RGPD1: variants seen among roughly 807,000 people sequenced by gnomAD.
The protein encoded by RGPD1 is RANBP2 like and GRIP domain containing 1.
In RGPD1, 7 loss-of-function variants were observed where a neutral mutation model predicts 40.6. That is an observed-to-expected ratio of 0.17 (90% CI 0.10 to 0.32). The LOEUF (loss-of-function observed/expected upper bound fraction) is 0.32, where lower values mean the gene tolerates loss of function less well. Ranked by LOEUF, RGPD1 falls within the 10% of genes least tolerant of loss-of-function variation. RGPD1 has a pLI of 1.00. For missense variants in RGPD1, 50 were observed against 472.5 expected, an observed-to-expected ratio of 0.11 and a Z score of 8.29; for synonymous variants, 24 against 167.0, an observed-to-expected ratio of 0.14 and a Z score of 6.60.
chr2:86,930,908 A>G (rs926195504), intron 1 of RGPD1, among the ~76,000 whole-genome samples: 8 of 109,618 alleles, frequency 7.3e-5, no homozygotes, highest in Admixed American at 4.0e-4. Context: ...CCCAGAGCCC[A>G]CATTCTTATC....
chr2:86,933,381 TTTG>T (rs1342931340), intron 1 of RGPD1, among the ~76,000 whole-genome samples: 2 of 150,658 alleles, frequency 1.3e-5, no homozygotes, highest in Non-Finnish European at 3.0e-5. Context: ...TAGAAATGAT[TTTG>T]TTTAGTATAA....
chr2:86,942,281 G>T lies in RGPD1; in HGVS notation c.45G>T (p.Val15=). The T allele has an allele frequency of 6.2e-7, 1 of 1,605,290 alleles. No homozygotes were observed. The highest frequency in any genetic ancestry group is 8.5e-7 in the Non-Finnish European group (1 of 1,177,102). Residue 15 remains valine (V), a synonymous_variant, in exon 1 of 23, where the codon GTG becomes GTT. Coordinates refer to ENST00000641458, the MANE Select transcript of RGPD1 (RefSeq NM_001382344.1). ...ACGGGGAGCGGTACGTCGCCTCGGT[G>T]CAGGGCTCCGCCCCGTCGCCTGGAA... ...KAYGERYVAS[V]QGSAPSPGKK...
chr2:86,933,138 TATATA>T lies in RGPD1; in HGVS notation c.73-18153_73-18149del, dbSNP rs1369432712. Among the ~76,000 whole-genome samples the T allele has an allele frequency of 4.0e-5, 6 of 149,588 alleles. 1 individual carries two copies. In the East Asian group the frequency reaches 9.7e-4, roughly 24 times the overall value. On this transcript the variant is annotated intron_variant, in intron 1 of 22. Transcript: ENST00000398193. ...GTATGTATATAAATATGTATACACATATATAATATCTGGAGCAAAAATGATTATGT... is the reference window on the plus strand; with the variant it reads ...GTATGTATATAAATATGTATACACATATATCTGGAGCAAAAATGATTATGT...
chr2:87,011,186 G>T lies in RGPD1; in HGVS notation c.5237-1327G>T. ...TCTGGATTCCTCCAGTCCCTCTGAG[G>T]GGTGTGTAGCAGGTGAGAATCTGGG... On this transcript the variant is annotated intron_variant, in intron 22 of 22. Coordinates refer to ENST00000641458, the MANE Select transcript of RGPD1 (RefSeq NM_001382344.1). 8.4e-6 allele frequency: 3 copies of T among 357,360 alleles called. 1 individual carries two copies. Among genetic ancestry groups the T allele is most frequent in the South Asian group, 2.5e-5 (1 of 40,790 alleles). 22.1% of individuals were successfully genotyped at this position (357,360 alleles called of 1,614,324 possible). A position where few individuals can be genotyped will look rare whatever the true frequency, so the allele number is the denominator to read the frequency against.
At chr2:86,928,464 C>T (rs1471834513) in intron 1 of RGPD1, among the ~76,000 whole-genome samples, 1 of 152,038 alleles carries the variant, frequency 6.6e-6, no homozygotes, top group Non-Finnish European at 1.5e-5. Context: ...AGAGGAGGGA[C>T]AGGATCCTCT....
Position 86,964,047 on chromosome 2 carries a change from C to CT in RGPD1, c.975+836dup, listed in dbSNP as rs558107405. 1.8e-3 allele frequency among the ~76,000 whole-genome samples: 96 copies of CT among 52,346 alleles called. 2 individuals carry two copies. Among genetic ancestry groups the CT allele is most frequent in the South Asian group, 6.7e-3 (10 of 1,482 alleles). The allele number at this position is 52,346 out of a possible 152,430, so 34.3% of individuals were successfully genotyped here. ...AGGCACTGTGCCTGGCGTGCCTGGC[C>CT]TTTTTTTTTTTTTGAGACGGAGTCT... is the stretch of plus-strand genomic sequence containing the variant. On this transcript the variant is annotated intron_variant, in intron 7 of 22. Coordinates refer to ENST00000641458, the MANE Select transcript of RGPD1 (RefSeq NM_001382344.1).
chr2:86,931,398 GT>G (rs1291217584), intron 1 of RGPD1, among the ~76,000 whole-genome samples: 1 of 149,968 alleles, frequency 6.7e-6, no homozygotes, highest in Non-Finnish European at 1.5e-5. Context: ...TTATGTTTTA[GT>G]TTTACAGTTG....
At chr2:86,936,108 C>T (rs1366247937) in intron 1 of RGPD1, among the ~76,000 whole-genome samples, 6 of 136,988 alleles carry the variant, frequency 4.4e-5, no homozygotes, top group African/African-American at 1.6e-4. Flanking sequence ...CGGGTTCACG[C>T]TGTTGTCCTG....
chr2:86,943,490 A>T (rs1004351258), intron 1 of RGPD1, among the ~76,000 whole-genome samples: 1 of 152,124 alleles, frequency 6.6e-6, no homozygotes, highest in Admixed American at 6.5e-5. Flanking sequence ...GGAAGAAGCT[A>T]TTAAAGGTGG....
chr2:86,941,202 A>G (rs1231742549), upstream of RGPD1, among the ~76,000 whole-genome samples: 1 of 152,000 alleles, frequency 6.6e-6, no homozygotes, highest in Non-Finnish European at 1.5e-5. Flanking sequence ...GGCTCTCACT[A>G]TTAAAAATGT....
At position 86,945,978 on chromosome 2, in the gene RGPD1, TA is replaced by T. The variant is rs1361026443; in HGVS notation, c.72+3671del. ...TCTATGTTCTGTCAAGTTGGTTTCTTATTCTGCAGCTGATTCCTACTTCTCA... is the reference window on the plus strand; with the variant it reads ...TCTATGTTCTGTCAAGTTGGTTTCTTTTCTGCAGCTGATTCCTACTTCTCA... On this transcript the variant is annotated intron_variant, in intron 1 of 22. Coordinates refer to ENST00000641458, the MANE Select transcript of RGPD1 (RefSeq NM_001382344.1). Among the ~76,000 whole-genome samples the T allele has an allele frequency of 5.0e-5, 6 of 119,570 alleles. No homozygotes were observed. In the Admixed American group the frequency reaches 5.3e-4, roughly 11 times the overall value. The allele number at this position is 119,570 out of a possible 152,430, so 78.4% of individuals were successfully genotyped here.
intron 1 of RGPD1, among the ~76,000 whole-genome samples, chr2:86,914,572 GCCT>G (rs1366609951): frequency 1.8e-5 from 1 of 57,054 alleles, no homozygotes; most frequent in Non-Finnish European, 3.5e-5. Context: ...GGCGGCGGCG[GCCT>G]CGGCCTCGGC....
intron 1 of RGPD1, among the ~76,000 whole-genome samples, chr2:86,925,768 G>T (rs6730422): frequency 6.8e-6 from 1 of 147,794 alleles, no homozygotes; most frequent in Non-Finnish European, 1.5e-5. Context: ...ATAGAGTCTC[G>T]CTGTATGCCT....
chr2:86,918,759 A>G (rs2104658984), intron 1 of RGPD1, among the ~76,000 whole-genome samples: 2 of 137,138 alleles, frequency 1.5e-5, no homozygotes, highest in Admixed American at 1.5e-4. Flanking sequence ...GTGCCTGGCC[A>G]GCAAATCCAT....
chr2:86,954,788 CAT>C (rs1219701629), intron 4 of RGPD1, among the ~76,000 whole-genome samples: 1 of 150,064 alleles, frequency 6.7e-6, no homozygotes, highest in Non-Finnish European at 1.5e-5. Flanking sequence ...TTCATTTTAT[CAT>C]GTGTAGATTC....
chr2:86,943,414 T>C (rs1448751385), intron 1 of RGPD1, among the ~76,000 whole-genome samples: 2 of 152,078 alleles, frequency 1.3e-5, no homozygotes, highest in Non-Finnish European at 2.9e-5. Context: ...TTTTCCTCTT[T>C]ACAGGTAAAT....
chr2:86,942,511 GGGC>G (rs1164297369), intron 1 of RGPD1, among the ~76,000 whole-genome samples: 11 of 117,652 alleles, frequency 9.3e-5, no homozygotes, highest in Non-Finnish European at 1.4e-4. Context: ...CGACCTGGCC[GGGC>G]GGCGGCGGCG....
At chr2:86,927,442 T>C (rs1678594605) in intron 1 of RGPD1, among the ~76,000 whole-genome samples, 1 of 150,564 alleles carries the variant, frequency 6.6e-6, no homozygotes, top group Admixed American at 6.6e-5. Flanking sequence ...ATTTTCATTC[T>C]TCAGACTTGC....
upstream of RGPD1, among the ~76,000 whole-genome samples, chr2:86,942,035 G>T (rs576410777): frequency 1.3e-5 from 2 of 151,712 alleles, no homozygotes; most frequent in East Asian, 3.9e-4. Context: ...CAGAGCACAG[G>T]GTGCTGCCAA....
Sources: allele counts gnomAD v4.1 joint callset (sites outside exome capture counted in the v4.1 genomes callset), GRCh38; gene constraint gnomAD v4.1.1; transcripts MANE v1.5; gene names NCBI Gene and HGNC (gene_info 2026-07-23, HGNC 2026-07-21).